The following RNFT2 variants were observed in gnomAD, a reference collection of about 807,000 sequenced individuals.
RNFT2 encodes the protein ring finger protein, transmembrane 2, also known as E3 ubiquitin-protein ligase RNFT2.
A neutral mutation model predicts 53.0 loss-of-function variants in RNFT2; 36 were observed. The observed-to-expected ratio is 0.68, with a 90% CI of 0.52 to 0.90. The LOEUF (loss-of-function observed/expected upper bound fraction) is 0.90. Among genes scored for constraint, RNFT2 ranks in the 40% least tolerant of loss-of-function variants. The pLI is 0.00. For synonymous variants in RNFT2, 260 were observed against 253.2 expected, an observed-to-expected ratio of 1.03 and a Z score of -0.26; for missense variants, 514 against 585.6, an observed-to-expected ratio of 0.88 and a Z score of 1.26.
intron 2 of RNFT2, 182 bp downstream of exon 2, chr12:116,740,703 C>T: frequency 3.0e-6 from 2 of 663,846 alleles, no homozygotes; most frequent in Non-Finnish European, 5.4e-6. Flanking sequence ...AACCCAGAAT[C>T]CATGTCTCCT....
chr12:116,817,587 C>T (rs1875752404), intron 7 of RNFT2, among the ~76,000 whole-genome samples: 1 of 152,220 alleles, frequency 6.6e-6, no homozygotes, highest in African/African-American at 2.4e-5. Flanking sequence ...CAACAGAGGA[C>T]ACTACTGATT....
At chr12:116,825,003 A>G (rs1199824187) in intron 7 of RNFT2, among the ~76,000 whole-genome samples, 3 of 152,180 alleles carry the variant, frequency 2.0e-5, no homozygotes, top group African/African-American at 7.2e-5. Context: ...CAGTCAGGAC[A>G]CACCGGGTAC....
At chr12:116,810,375 A>T (rs1464498017) in intron 7 of RNFT2, among the ~76,000 whole-genome samples, 1 of 152,168 alleles carries the variant, frequency 6.6e-6, no homozygotes, top group African/African-American at 2.4e-5. Flanking sequence ...AGTGGAAAAC[A>T]GTTCGGGGTG....
In RNFT2 at chr12:116,851,845, C is replaced by T. The variant is rs1436003947; in HGVS notation, c.*2397C>T. 10 of 1,475,146 alleles carry T rather than the reference C, an allele frequency of 6.8e-6. No homozygotes were observed. Among genetic ancestry groups the T allele is most frequent in the Non-Finnish European group, 9.2e-6 (10 of 1,091,346 alleles). 91.4% of individuals were successfully genotyped at this position (1,475,146 alleles called of 1,614,324 possible). A position where few individuals can be genotyped will look rare whatever the true frequency, so the allele number is the denominator to read the frequency against. On this transcript the variant is annotated 3_prime_UTR_variant, in exon 11 of 11. Transcript: ENST00000257575. ...CCAGATGTGGTTACCCCTTGGTCTC[C>T]TGTCTTTATGTCTTTCTCCTCTTCC...
chr12:116,795,550 G>A (rs1003391314), intron 7 of RNFT2, among the ~76,000 whole-genome samples: 2 of 152,184 alleles, frequency 1.3e-5, no homozygotes, highest in Admixed American at 1.3e-4. Context: ...GAGTTCCTCA[G>A]TTGCACCAAC....
intron 6 of RNFT2, among the ~76,000 whole-genome samples, chr12:116,771,460 TAAAAAAAAAAAAAAAAAAAAAAA>T (rs35911608): frequency 1.6e-5 from 1 of 64,150 alleles, no homozygotes; most frequent in African/African-American, 6.0e-5. Context: ...ATCCTATCGT[TAAAAAAAAAAAAAAAAAAAAAAA>T]AAAAAAAAAA....
At chr12:116,765,529 A>T (rs893081011) in intron 5 of RNFT2, among the ~76,000 whole-genome samples, 16 of 151,938 alleles carry the variant, frequency 1.1e-4, no homozygotes, top group African/African-American at 3.9e-4. Flanking sequence ...CAATGCAGCC[A>T]CTCCAGTCTG....
chr12:116,740,183 TAAAAA>T (rs368519851), intron 1 of RNFT2, among the ~76,000 whole-genome samples, 157 bp from the exon 2 acceptor site: 11 of 143,736 alleles, frequency 7.7e-5, no homozygotes, highest in Non-Finnish European at 9.2e-5. Flanking sequence ...CACTCCGTCT[TAAAAA>T]AAAAAAAGGA....
At chr12:116,769,549 CA>C (rs1873081269) in intron 6 of RNFT2, among the ~76,000 whole-genome samples, 1 of 151,716 alleles carries the variant, frequency 6.6e-6, no homozygotes, top group South Asian at 2.1e-4. Context: ...TAAGTTGTAA[CA>C]AAAAATTTTA....
Position 116,852,150 on chromosome 12 carries a change from C to T in RNFT2, c.*2702C>T. 9.4e-7 allele frequency: 1 copy of T among 1,065,982 alleles called. No homozygotes were observed. The highest frequency in any genetic ancestry group is 1.3e-6 in the Non-Finnish European group (1 of 783,424). The allele number at this position is 1,065,982 out of a possible 1,614,324, so 66.0% of individuals were successfully genotyped here. Reference sequence around the variant, plus strand: ...CCAGAATCTTGCCTGCCCTATTCCTCCTCCCAAGTCTGTTCTCTTATTGTC... The same window carrying T: ...CCAGAATCTTGCCTGCCCTATTCCTTCTCCCAAGTCTGTTCTCTTATTGTC... On this transcript the variant is annotated 3_prime_UTR_variant, in exon 11 of 11. Transcript: ENST00000257575.
intron 4 of RNFT2, among the ~76,000 whole-genome samples, chr12:116,753,135 CT>C (rs1566070527): frequency 3.2e-5 from 4 of 125,302 alleles, no homozygotes; most frequent in Non-Finnish European, 5.0e-5. Flanking sequence ...TTTTCTTTTT[CT>C]TTTTTCTTTT....
chr12:116,783,790 G>C (rs1454078647), intron 7 of RNFT2, among the ~76,000 whole-genome samples: 1 of 152,250 alleles, frequency 6.6e-6, no homozygotes, highest in Non-Finnish European at 1.5e-5. Context: ...AGCCCACAGA[G>C]TGCTAAGTGA....
chr12:116,804,934 TC>T (rs1204812288), intron 7 of RNFT2, among the ~76,000 whole-genome samples: 3 of 152,186 alleles, frequency 2.0e-5, no homozygotes, highest in African/African-American at 7.2e-5. Flanking sequence ...ACCACTGCAC[TC>T]CATCCTGGGT....
chr12:116,841,946 T>TAA (rs1565876249), intron 10 of RNFT2, among the ~76,000 whole-genome samples: 31 of 34,774 alleles, frequency 8.9e-4, no homozygotes, highest in East Asian at 2.2e-3. Flanking sequence ...AATATATATA[T>TAA]AAATATATAT....
chr12:116,742,311 A>C (rs1158848927), intron 3 of RNFT2, among the ~76,000 whole-genome samples: 2 of 134,486 alleles, frequency 1.5e-5, no homozygotes, highest in African/African-American at 5.7e-5. Context: ...TCTGTTGCCC[A>C]GGCTAGAATG....
At chr12:116,767,104 TAG>T (rs1872951950) in intron 6 of RNFT2, among the ~76,000 whole-genome samples, 190 bp downstream of exon 6, 1 of 152,226 alleles carries the variant, frequency 6.6e-6, no homozygotes, top group Non-Finnish European at 1.5e-5. Flanking sequence ...GCAAGCCACA[TAG>T]GTAAATTAAC....
Position 116,750,180 on chromosome 12 carries a change from A to G in RNFT2, c.423A>G (p.Gly141=). ...ACCACCGGGGGCACTCGGAGGAGGG[A>G]GGCGACGAGCAGCCTGGGACGCCCG... The part of the protein sequence containing the change: ...GGDHRGHSEE[G]GDEQPGTPAP... Residue 141 remains glycine, a synonymous_variant, in exon 4 of 11, where the codon GGA becomes GGG. Transcript: ENST00000257575. 1 of 1,597,390 alleles carries G rather than the reference A, an allele frequency of 6.3e-7. No individual in the cohort carries two copies. Among genetic ancestry groups the G allele is most frequent in the African/African-American group, 1.3e-5 (1 of 74,804 alleles).
chr12:116,842,623 G>A (rs550040483), intron 10 of RNFT2, among the ~76,000 whole-genome samples: 2 of 152,272 alleles, frequency 1.3e-5, no homozygotes, highest in Admixed American at 6.5e-5. Flanking sequence ...ACCCAGGCTA[G>A]AGTGCAGTGG....
chr12:116,761,795 A>G (rs1592943515), intron 5 of RNFT2, among the ~76,000 whole-genome samples: 3 of 152,076 alleles, frequency 2.0e-5, no homozygotes, highest in Non-Finnish European at 2.9e-5. Flanking sequence ...CTGCTCCTCC[A>G]CCCACCTGCA....
Sources: gnomAD v4.1 joint callset for allele counts (sites outside exome capture counted in the v4.1 genomes callset) on GRCh38, gnomAD v4.1.1 for gene constraint, MANE v1.5 for transcripts, NCBI Gene and HGNC (gene_info 2026-07-23, HGNC 2026-07-21) for gene names.